RGS12: variants seen among roughly 807,000 people sequenced by gnomAD.
The protein encoded by RGS12 is regulator of G-protein signaling 12.
RGS12 carries 66 observed loss-of-function variants against 120.1 expected under a neutral mutation model. The observed-to-expected ratio is 0.55, with a 90% CI of 0.45 to 0.67. The LOEUF is 0.67. Among genes scored for constraint, RGS12 ranks in the 30% least tolerant of loss-of-function variants. The pLI, the probability that RGS12 is intolerant of heterozygous loss-of-function variation, is 0.00. For missense variants in RGS12, 1,859 were observed against 1,957.7 expected (o/e 0.95, Z 0.95); for synonymous variants, 827 against 804.7 (o/e 1.03, Z -0.47).
At chr4:3,347,084 G>GT in intron 3 of RGS12, among the ~76,000 whole-genome samples, 1 of 152,124 alleles carries the variant, frequency 6.6e-6, no homozygotes, top group East Asian at 1.9e-4. Flanking sequence ...AAAAGCAAAT[G>GT]TTTTTACTTT....
At chr4:3,301,306 A>G (rs1487043537) in intron 1 of RGS12, among the ~76,000 whole-genome samples, 2 of 152,350 alleles carry the variant, frequency 1.3e-5, no homozygotes, top group Non-Finnish European at 1.5e-5. Context: ...TACTGTGAAC[A>G]TTGGCAATGA....
In RGS12 at chr4:3,346,182, T is replaced by TC. The variant is rs1374467260; in HGVS notation, c.1998+3132dup. ...TTTAGAGCAATTTTATCATCTAGTG[T>TC]CCCATGACTGAGTTGGATTAAAGCA... On this transcript the variant is annotated intron_variant, in intron 3 of 17. Transcript: ENST00000336727. Among the ~76,000 whole-genome samples the TC allele has an allele frequency of 2.0e-5, 3 of 152,320 alleles. No homozygotes were observed. In the East Asian group the frequency reaches 5.8e-4, roughly 29 times the overall value.
intron 4 of RGS12, among the ~76,000 whole-genome samples, chr4:3,393,179 T>TA (rs1195856952): frequency 6.6e-6 from 1 of 152,134 alleles, no homozygotes; most frequent in African/African-American, 2.4e-5. Flanking sequence ...TGCCTTCCTT[T>TA]AAAAAATACA....
chr4:3,312,785 G>GA, intron 1 of RGS12: 2 of 213,170 alleles, frequency 9.4e-6, no homozygotes, highest in Non-Finnish European at 2.2e-5. Flanking sequence ...ATATTCTGCC[G>GA]AAATCAGAGC....
intron 10 of RGS12, among the ~76,000 whole-genome samples, chr4:3,422,075 C>T (rs549129002): frequency 1.3e-5 from 2 of 152,202 alleles, no homozygotes; most frequent in South Asian, 4.1e-4. Context: ...TCAGTGGGCC[C>T]CGCAGGACAG....
intron 10 of RGS12, 126 bp from the exon 11 acceptor site, chr4:3,422,250 T>TG: frequency 1.2e-6 from 1 of 839,918 alleles, no homozygotes; most frequent in South Asian, 1.7e-5. Flanking sequence ...GAGCTGCAGG[T>TG]GGGACCGTGG....
chr4:3,392,606 C>T (rs1208449901), intron 4 of RGS12, among the ~76,000 whole-genome samples: 6 of 152,206 alleles, frequency 3.9e-5, no homozygotes, highest in African/African-American at 1.4e-4. Context: ...ATCAGCCTGT[C>T]ATCTCAGAGA....
At chr4:3,378,333 T>C (rs1647303801) in intron 3 of RGS12, 2 of 151,938 alleles carry the variant, frequency 1.3e-5, no homozygotes, top group Admixed American at 1.3e-4. Flanking sequence ...AGGGGAAAGC[T>C]CCATGACATC....
chr4:3,363,479 C>T (rs1329377995), intron 3 of RGS12, among the ~76,000 whole-genome samples: 2 of 151,404 alleles, frequency 1.3e-5, no homozygotes, highest in African/African-American at 4.9e-5. Flanking sequence ...GGTAAGGAGC[C>T]GCGGGGCCTG....
At chr4:3,311,156 C>G (rs35720136) in intron 1 of RGS12, among the ~76,000 whole-genome samples, 12,657 of 152,072 alleles carry the variant, frequency 0.083, 707 homozygotes, top group African/African-American at 0.16. Context: ...TTCTCGGTGC[C>G]CCCAGACTCT....
rs111940909 is a variant in RGS12 at position 3,432,845 on chromosome 4, T to C, written c.4114+1890T>C. 9.7e-3 allele frequency among the ~76,000 whole-genome samples: 1,478 copies of C among 151,986 alleles called. 24 individuals carry two copies. Among genetic ancestry groups the C allele is most frequent in the African/African-American group, 0.034 (1,410 of 41,440 alleles). ...AGACCCAGTGAGTGGGAGAAGGAGGTGGGAGTGGCTTTGGCCATAGGTCGT... is the reference window on the plus strand; with the variant it reads ...AGACCCAGTGAGTGGGAGAAGGAGGCGGGAGTGGCTTTGGCCATAGGTCGT... On this transcript the variant is annotated intron_variant, in intron 17 of 17. Transcript: ENST00000336727.
chr4:3,300,932 C>T (rs980270221), intron 1 of RGS12, among the ~76,000 whole-genome samples: 4 of 152,214 alleles, frequency 2.6e-5, no homozygotes, highest in African/African-American at 9.7e-5. Flanking sequence ...TTGGGGCTGC[C>T]GTTTGCCCCA....
intron 4 of RGS12, among the ~76,000 whole-genome samples, chr4:3,406,255 G>T (rs867664783): frequency 2.0e-5 from 3 of 152,228 alleles, no homozygotes; most frequent in Non-Finnish European, 4.4e-5. Flanking sequence ...GGGCCGCCCT[G>T]TGAATGGGGG....
At chr4:3,398,036 C>G (rs1720216915) in intron 4 of RGS12, among the ~76,000 whole-genome samples, 1 of 152,186 alleles carries the variant, frequency 6.6e-6, no homozygotes, top group African/African-American at 2.4e-5. Context: ...GGACCCATTA[C>G]TTACAGACTT....
chr4:3,384,294 A>G (rs569622264), intron 3 of RGS12, among the ~76,000 whole-genome samples: 2 of 151,830 alleles, frequency 1.3e-5, no homozygotes, highest in East Asian at 1.9e-4. Flanking sequence ...AGCTGGGATT[A>G]TAGGCATCTG....
At chr4:3,370,221 A>G in intron 3 of RGS12, 2 of 1,604,684 alleles carry the variant, frequency 1.2e-6, no homozygotes, top group South Asian at 2.2e-5. Flanking sequence ...GCGGTGTTGA[A>G]TGGTGTGTCT....
At position 3,413,743 on chromosome 4, in the gene RGS12, G is replaced by A. The variant is rs539323321; in HGVS notation, c.2021-329G>A. ...CTGTTCAACCCTGTGGCTGTAGTTTGTTGTTGCTTGGGCGAGTGTGCACGT... is the reference window on the plus strand; with the variant it reads ...CTGTTCAACCCTGTGGCTGTAGTTTATTGTTGCTTGGGCGAGTGTGCACGT... On this transcript the variant is annotated intron_variant, in intron 4 of 17. Transcript: ENST00000336727. 466 of 267,858 alleles carry A rather than the reference G, an allele frequency of 1.7e-3. 1 individual carries two copies. The highest frequency in any genetic ancestry group is 9.3e-3 in the African/African-American group (428 of 46,270). 16.6% of individuals were successfully genotyped at this position (267,858 alleles called of 1,614,324 possible).
At chr4:3,337,627 A>G (rs1408309720) in intron 2 of RGS12, among the ~76,000 whole-genome samples, 2 of 152,074 alleles carry the variant, frequency 1.3e-5, no homozygotes, top group Admixed American at 6.5e-5. Context: ...ATCTAATTCC[A>G]CTTATGTGGG....
At chr4:3,297,111 C>T (rs148973987) in intron 1 of RGS12, among the ~76,000 whole-genome samples, 1 of 152,358 alleles carries the variant, frequency 6.6e-6, no homozygotes, top group Non-Finnish European at 1.5e-5. Flanking sequence ...AAAGAAACAT[C>T]TAGTTTGTTC....
Sources: gnomAD v4.1 joint callset for allele counts (sites outside exome capture counted in the v4.1 genomes callset) on GRCh38, gnomAD v4.1.1 for gene constraint, MANE v1.5 for transcripts, NCBI Gene and HGNC (gene_info 2026-07-23, HGNC 2026-07-21) for gene names.